The following GATA2 variants were observed in gnomAD, a reference collection of about 807,000 sequenced individuals.
GATA2 encodes endothelial transcription factor GATA-2.
In GATA2, 6 loss-of-function variants were observed where a neutral mutation model predicts 35.7. The observed-to-expected ratio is 0.17, with a 90% CI of 0.09 to 0.33. GATA2 has a LOEUF of 0.33. Ranked by LOEUF, GATA2 falls within the 10% of genes least tolerant of loss-of-function variation. The pLI is 1.00. For synonymous variants in GATA2, 313 were observed against 274.9 expected (o/e 1.14, Z -1.37); for missense variants, 541 against 656.6 (o/e 0.82, Z 1.92).
chr3:128,483,499 G>T (rs771858972), intron 4 of GATA2, among the ~76,000 whole-genome samples: 1 of 152,168 alleles, frequency 6.6e-6, no homozygotes, highest in Non-Finnish European at 1.5e-5. Flanking sequence ...GCTTGTGAGC[G>T]GGGCTGTCGG....
rs568614336 is a variant in GATA2 at position 128,484,901 on chromosome 3, G to A, written c.871+826C>T. 7.2e-5 allele frequency among the ~76,000 whole-genome samples: 11 copies of A among 152,298 alleles called. No homozygotes were observed. In the South Asian group the frequency reaches 2.3e-3, roughly 32 times the overall value. On this transcript the variant is annotated intron_variant, in intron 3 of 5. Transcript: ENST00000341105. ...CTAAATGAGGAGTACAGCCTGGCAA[G>A]AGAAGGTGGTTCCTGCACTCAGGAG...
rs2068599147 is a variant in GATA2 at position 128,479,671 on chromosome 3, GC to G, written c.*1347del. ...GTGGTGCTCCCTGCAGCGACTGCCC[GC>G]CCATATTGCACTTGGTCACTACATC... On this transcript the variant is annotated 3_prime_UTR_variant, in exon 6 of 6. Coordinates refer to ENST00000341105, the MANE Select transcript of GATA2 (RefSeq NM_032638.5). 8.6e-6 allele frequency: 2 copies of G among 233,576 alleles called. No homozygotes were observed. Among genetic ancestry groups the G allele is most frequent in the East Asian group, 1.2e-4 (2 of 16,574 alleles). 14.5% of individuals were successfully genotyped at this position (233,576 alleles called of 1,614,324 possible).
At position 128,483,868 on chromosome 3, in the gene GATA2, G is replaced by C. The variant is rs387906632; in HGVS notation, c.1009C>G (p.Arg337Gly). The C allele has an allele frequency of 6.2e-7, 1 of 1,614,134 alleles. No homozygotes were observed. The highest frequency in any genetic ancestry group is 1.1e-5 in the South Asian group (1 of 91,074). Residue 337 changes from arginine (R) to glycine (G), a missense_variant, in exon 4 of 6, where the codon CGA becomes GGA. Transcript: ENST00000341105. ...CCTGTGCCCGCTCCTACCAGTCTTC[G>C]CTTGGGCTTGATGAGTGGTCGGTTC... is the stretch of plus-strand genomic sequence containing the variant. ...GQNRPLIKPKRRLSAARRAGT... is the reference protein window; with the variant it reads ...GQNRPLIKPKGRLSAARRAGT...
At chr3:128,485,571 G>A (rs186696895) in intron 3 of GATA2, among the ~76,000 whole-genome samples, 156 bp downstream of exon 3, 38 of 152,092 alleles carry the variant, frequency 2.5e-4, no homozygotes, top group African/African-American at 4.8e-5. Flanking sequence ...TCCCTGACCC[G>A]GGGGTCTCAA....
At chr3:128,490,181 A>G (rs1332391765) in intron 1 of GATA2, 1 of 152,190 alleles carries the variant, frequency 6.6e-6, no homozygotes, top group Non-Finnish European at 1.5e-5. Context: ...CCTCCGCGGC[A>G]GGGTCCCGGC....
intron 1 of GATA2, among the ~76,000 whole-genome samples, chr3:128,487,339 C>G (rs540877707): frequency 6.6e-6 from 1 of 152,330 alleles, no homozygotes; most frequent in East Asian, 1.9e-4. Flanking sequence ...GGTCCCGACA[C>G]CAGTGACCCC....
intron 4 of GATA2, among the ~76,000 whole-genome samples, chr3:128,482,783 G>A (rs1242944942): frequency 1.3e-5 from 2 of 152,262 alleles, no homozygotes; most frequent in African/African-American, 4.8e-5. Flanking sequence ...GCTAGAGGGA[G>A]GCTTTACCCA....
chr3:128,481,985 C>A lies in GATA2; in HGVS notation c.1018-41G>T, dbSNP rs776766615. The A allele has an allele frequency of 4.4e-6, 7 of 1,607,834 alleles. No individual in the cohort carries two copies. The Admixed American group carries it at 1.0e-4, about 23-fold the overall frequency. On this transcript the variant is annotated intron_variant, in intron 4 of 5. Coordinates refer to ENST00000341105, the MANE Select transcript of GATA2 (RefSeq NM_032638.5). ...AGCGTCAGCAGGCTGGACTCCCACG[C>A]CCACCTCGACCCCCCTCCCTGACCC...
At chr3:128,484,218 C>A (rs73203416) in intron 3 of GATA2, among the ~76,000 whole-genome samples, 2,167 of 148,156 alleles carry the variant, frequency 0.015, 19 homozygotes, top group South Asian at 0.052. Flanking sequence ...AAAGCCAAAT[C>A]CCCTGCTTCC....
At chr3:128,490,935 CT>C (rs1191938483) in intron 1 of GATA2, among the ~76,000 whole-genome samples, 1 of 152,202 alleles carries the variant, frequency 6.6e-6, no homozygotes, top group Non-Finnish European at 1.5e-5. Flanking sequence ...CTGGCGCTGC[CT>C]TTGATCACAT....
chr3:128,492,741 G>A (rs1576754361), intron 1 of GATA2, among the ~76,000 whole-genome samples, 158 bp downstream of exon 1: 1 of 152,214 alleles, frequency 6.6e-6, no homozygotes, highest in East Asian at 1.9e-4. Flanking sequence ...TCTGGTTAAA[G>A]TCCCTATAAC....
chr3:128,484,846 C>T (rs2068674716), intron 3 of GATA2, among the ~76,000 whole-genome samples: 1 of 152,058 alleles, frequency 6.6e-6, no homozygotes, highest in African/African-American at 2.4e-5. Flanking sequence ...CATCGTGTTC[C>T]CCAGGAAGTT....
rs1189779520 is a variant in GATA2 at position 128,488,314 on chromosome 3, C to T, written c.-45-1238G>A. ...AGACCCTAACCCCGCCACGCTCCTT[C>T]ACCGCTGAACGTGGTCAGTCCGAGC... is the stretch of plus-strand genomic sequence containing the variant. On this transcript the variant is annotated intron_variant, in intron 1 of 5. Transcript: ENST00000341105. This position sits in a 1 kb window ranked among gnomAD's most constrained non-coding sequence, Gnocchi z 5.8. 6.6e-6 allele frequency: 1 copy of T among 152,348 alleles called. No homozygotes were observed. The highest frequency in any genetic ancestry group is 1.5e-5 in the Non-Finnish European group (1 of 68,204). The allele number at this position is 152,348 out of a possible 1,614,324, so 9.4% of individuals were successfully genotyped here. A position where few individuals can be genotyped will look rare whatever the true frequency, so the allele number is the denominator to read the frequency against.
chr3:128,486,753 C>A (rs909415432), intron 2 of GATA2, 50 bp downstream of exon 2: 7 of 1,520,430 alleles, frequency 4.6e-6, no homozygotes, highest in Non-Finnish European at 6.3e-6. Context: ...TCCCCTCCCT[C>A]GCCTGGCGCG....
chr3:128,489,034 C>A (rs895206199), intron 1 of GATA2, among the ~76,000 whole-genome samples: 6 of 152,024 alleles, frequency 3.9e-5, no homozygotes, highest in African/African-American at 1.4e-4. Context: ...GTCCAGAGGG[C>A]CCCCAGGTGG....
In GATA2 at chr3:128,480,928, G is replaced by T. The variant is rs957472567; in HGVS notation, c.*91C>A. On this transcript the variant is annotated 3_prime_UTR_variant, in exon 6 of 6. Coordinates refer to ENST00000341105, the MANE Select transcript of GATA2 (RefSeq NM_032638.5). ...GGTGCTGGGCCGAGCCGGGCTGGCA[G>T]GAGTGGTGTCGGCCTTCGGGAAATG... is the stretch of plus-strand genomic sequence containing the variant. 2.5e-5 allele frequency: 35 copies of T among 1,382,072 alleles called. No individual in the cohort carries two copies. The highest frequency in any genetic ancestry group is 3.1e-5 in the Non-Finnish European group (32 of 1,035,766). 85.6% of individuals were successfully genotyped at this position (1,382,072 alleles called of 1,614,324 possible).
rs45463801 is a variant in GATA2 at position 128,480,473 on chromosome 3, G to A, written c.*546C>T. ...GGCACCAGCTCACCCTCCCTGGGCC[G>A]TGGCCACTCTGGCTTTGGCTCAGCC... is the stretch of plus-strand genomic sequence containing the variant. On this transcript the variant is annotated 3_prime_UTR_variant, in exon 6 of 6. Transcript: ENST00000341105. The A allele has an allele frequency of 0.035, 8,348 of 238,984 alleles. 182 individuals are homozygous for A. The highest frequency in any genetic ancestry group is 0.08 in the East Asian group (1,366 of 16,982). 14.8% of individuals were successfully genotyped at this position (238,984 alleles called of 1,614,324 possible). A position where few individuals can be genotyped will look rare whatever the true frequency, so the allele number is the denominator to read the frequency against.
Position 128,486,187 on chromosome 3 carries a change from T to TGGGCCTCCA in GATA2, c.402_410dup (p.Gly135_Pro137dup). On this transcript the variant is annotated inframe_insertion, in exon 3 of 6. Coordinates refer to ENST00000341105, the MANE Select transcript of GATA2 (RefSeq NM_032638.5). ...CCCCAGCCCCTGGGTACACAGAGAG[T>TGGGCCTCCA]GGGCCTCCAGGGCCTCCAGCAGCTG... is the stretch of plus-strand genomic sequence containing the variant. 1 of 1,562,720 alleles carries TGGGCCTCCA rather than the reference T, an allele frequency of 6.4e-7. No individual in the cohort carries two copies. Among genetic ancestry groups the TGGGCCTCCA allele is most frequent in the East Asian group, 2.4e-5 (1 of 42,538 alleles).
intron 2 of GATA2, 92 bp from the exon 3 acceptor site, chr3:128,486,460 C>G: frequency 6.8e-7 from 1 of 1,471,428 alleles, no homozygotes; most frequent in East Asian, 2.4e-5. Flanking sequence ...GATCACGACT[C>G]CCAGAACCAG....
Sources: allele counts gnomAD v4.1 joint callset (sites outside exome capture counted in the v4.1 genomes callset), GRCh38; gene constraint gnomAD v4.1.1; non-coding constraint Gnocchi (gnomAD v3.1); transcripts MANE v1.5; gene names NCBI Gene and HGNC (gene_info 2026-07-23, HGNC 2026-07-21).